Variants in CTNNA3 observed in about 807,000 individuals in gnomAD.
CTNNA3 encodes catenin alpha-3.
In CTNNA3, 76 loss-of-function variants were observed where a neutral mutation model predicts 95.7. That is an observed-to-expected ratio of 0.79 (90% CI 0.66 to 0.96). CTNNA3 has a LOEUF of 0.96. CTNNA3 is among the 40% of genes least tolerant of loss of function. CTNNA3 has a pLI of 0.00. For missense variants in CTNNA3, 1,191 were observed against 1,089.8 expected (o/e 1.09, Z -1.31); for synonymous variants, 431 against 374.4 (o/e 1.15, Z -1.74).
intron 12 of CTNNA3, among the ~76,000 whole-genome samples, chr10:66,340,695 A>G (rs1268161442): frequency 6.6e-6 from 1 of 151,748 alleles, no homozygotes; most frequent in Admixed American, 6.6e-5. Flanking sequence ...TCTCATATTT[A>G]TCATTTGATG....
intron 15 of CTNNA3, among the ~76,000 whole-genome samples, chr10:66,019,556 TC>T: frequency 6.6e-6 from 1 of 152,194 alleles, no homozygotes; most frequent in South Asian, 2.1e-4. Context: ...TTAAAATGAT[TC>T]CAATGCTTCT....
intron 7 of CTNNA3, among the ~76,000 whole-genome samples, chr10:67,133,031 A>G (rs928932333): frequency 1.3e-5 from 2 of 151,900 alleles, no homozygotes; most frequent in Non-Finnish European, 2.9e-5. Flanking sequence ...ATACTTAACA[A>G]CAATATTATG....
chr10:66,398,827 G>C (rs1038389580), intron 11 of CTNNA3, among the ~76,000 whole-genome samples: 3 of 151,956 alleles, frequency 2.0e-5, no homozygotes, highest in African/African-American at 7.2e-5. Flanking sequence ...AACCTCCACT[G>C]TCAGACCATC....
At chr10:66,372,004 G>A (rs1264161287) in intron 12 of CTNNA3, among the ~76,000 whole-genome samples, 2 of 152,150 alleles carry the variant, frequency 1.3e-5, no homozygotes, top group Non-Finnish European at 2.9e-5. Context: ...TTATGATACT[G>A]TTAGTGGCAT....
intron 7 of CTNNA3, among the ~76,000 whole-genome samples, chr10:66,900,921 C>T (rs1367108699): frequency 6.6e-6 from 1 of 152,134 alleles, no homozygotes; most frequent in Non-Finnish European, 1.5e-5. Context: ...CTGAAAGTGA[C>T]ACGGAGAATG....
intron 15 of CTNNA3, among the ~76,000 whole-genome samples, chr10:66,004,223 G>T (rs894047361): frequency 6.6e-6 from 1 of 152,136 alleles, no homozygotes; most frequent in Admixed American, 6.5e-5. Context: ...TTTATATATT[G>T]CAAAGAAATA....
intron 5 of CTNNA3, among the ~76,000 whole-genome samples, chr10:67,243,761 T>C (rs934771647): frequency 6.6e-6 from 1 of 152,190 alleles, no homozygotes; most frequent in Non-Finnish European, 1.5e-5. Context: ...ATCTTTTAAG[T>C]CATCGTGGAT....
At chr10:67,385,889 G>GTCA (rs1274587326) in intron 5 of CTNNA3, among the ~76,000 whole-genome samples, 1 of 151,090 alleles carries the variant, frequency 6.6e-6, no homozygotes, top group East Asian at 1.9e-4. Context: ...AAGTTTCACA[G>GTCA]TCATGCAAGT....
At position 66,927,951 on chromosome 10, in the gene CTNNA3, G is replaced by T; in HGVS notation, c.1048-152427C>A. On this transcript the variant is annotated intron_variant, in intron 7 of 17. Transcript: ENST00000433211. This position sits in a 1 kb window ranked among gnomAD's most constrained non-coding sequence, Gnocchi z 4.7. ...CAATTATCTGTGCCAGTCCCAAAGA[G>T]CTGCAAGGAGTAAATGTGATCGATG... 6.2e-7 allele frequency: 1 copy of T among 1,614,238 alleles called. No individual in the cohort carries two copies. The highest frequency in any genetic ancestry group is 1.3e-5 in the African/African-American group (1 of 75,060).
intron 13 of CTNNA3, among the ~76,000 whole-genome samples, chr10:66,200,849 T>C (rs147182545): frequency 2.6e-5 from 4 of 152,352 alleles, no homozygotes; most frequent in African/African-American, 9.6e-5. Context: ...GGTTGCACTT[T>C]GTAGAAAACA....
At chr10:66,384,891 A>G (rs2092876350) in intron 11 of CTNNA3, among the ~76,000 whole-genome samples, 1 of 152,206 alleles carries the variant, frequency 6.6e-6, no homozygotes, top group Non-Finnish European at 1.5e-5. Flanking sequence ...ATTTGAAACC[A>G]ATGAGAACAA....
chr10:67,414,898 G>A (rs1036097249), intron 5 of CTNNA3, among the ~76,000 whole-genome samples: 47 of 152,298 alleles, frequency 3.1e-4, no homozygotes, highest in African/African-American at 1.1e-3. Context: ...CACACAAACA[G>A]AATCAAGAGC....
At chr10:66,056,220 G>C (rs980946700) in intron 15 of CTNNA3, among the ~76,000 whole-genome samples, 25 of 151,928 alleles carry the variant, frequency 1.6e-4, no homozygotes, top group African/African-American at 6.0e-4. Flanking sequence ...ATACATACTT[G>C]TTGAGGGTTT....
chr10:66,162,873 CG>C (rs1331575579), intron 13 of CTNNA3, among the ~76,000 whole-genome samples: 4 of 148,076 alleles, frequency 2.7e-5, no homozygotes, highest in Non-Finnish European at 5.9e-5. Context: ...TCTCCTTGGG[CG>C]GGTCTTGCTG....
At chr10:67,625,724 C>T (rs1022743251) in intron 2 of CTNNA3, among the ~76,000 whole-genome samples, 2 of 149,538 alleles carry the variant, frequency 1.3e-5, no homozygotes, top group Non-Finnish European at 2.9e-5. Context: ...CACTCAATTG[C>T]CTGCTTTGGA....
chr10:66,462,101 C>A (rs772011949), intron 11 of CTNNA3, among the ~76,000 whole-genome samples: 2 of 152,004 alleles, frequency 1.3e-5, no homozygotes, highest in Non-Finnish European at 2.9e-5. Context: ...TGAGCCACCA[C>A]GCCCAGCCAT....
chr10:66,913,759 G>A (rs1330572415), intron 7 of CTNNA3, among the ~76,000 whole-genome samples: 1 of 152,170 alleles, frequency 6.6e-6, no homozygotes, highest in African/African-American at 2.4e-5. Context: ...TCAACTGCCA[G>A]ATTTCGGTCT....
chr10:67,286,487 G>A (rs1024601030), intron 5 of CTNNA3, among the ~76,000 whole-genome samples: 6 of 152,192 alleles, frequency 3.9e-5, no homozygotes, highest in Non-Finnish European at 8.8e-5. Context: ...CAGGGTTAAT[G>A]TGAAGATTAC....
intron 9 of CTNNA3, among the ~76,000 whole-genome samples, chr10:66,693,542 G>A (rs1847640913): frequency 6.6e-6 from 1 of 151,430 alleles, no homozygotes; most frequent in Non-Finnish European, 1.5e-5. Flanking sequence ...GTCAACATTA[G>A]ACAGATCAAC....
Sources: allele counts gnomAD v4.1 joint callset (sites outside exome capture counted in the v4.1 genomes callset), GRCh38; gene constraint gnomAD v4.1.1; non-coding constraint Gnocchi (gnomAD v3.1); transcripts MANE v1.5; gene names NCBI Gene and HGNC (gene_info 2026-07-23, HGNC 2026-07-21).